The following WDFY1 variants were observed in gnomAD, a reference collection of about 807,000 sequenced individuals.
The protein encoded by WDFY1 is WD repeat and FYVE domain-containing protein 1.
Under a neutral mutation model 56.4 loss-of-function variants are expected in WDFY1, and 32 were observed. That is an observed-to-expected ratio of 0.57 (90% confidence interval 0.43 to 0.76). The LOEUF (loss-of-function observed/expected upper bound fraction) is 0.76, where lower values mean the gene tolerates loss of function less well. WDFY1 is among the 30% of genes least tolerant of loss of function. The pLI is 0.00. For synonymous variants in WDFY1, 192 were observed against 197.3 expected (o/e 0.97, Z 0.23); for missense variants, 480 against 545.7 (o/e 0.88, Z 1.20).
intron 6 of WDFY1, 39 bp from the exon 7 acceptor site, chr2:223,895,669 G>A (rs1175281872): frequency 1.9e-6 from 3 of 1,609,430 alleles, no homozygotes; most frequent in East Asian, 2.2e-5. Flanking sequence ...GGGAGGCAGG[G>A]GAGAAGTAAA....
chr2:223,944,185 G>A (rs1036263225), intron 1 of WDFY1, among the ~76,000 whole-genome samples: 2 of 152,234 alleles, frequency 1.3e-5, no homozygotes, highest in Non-Finnish European at 2.9e-5. Context: ...TGAAATCCCT[G>A]AGTACAGGGG....
intron 1 of WDFY1, among the ~76,000 whole-genome samples, chr2:223,938,192 C>G (rs933669230): frequency 1.3e-5 from 2 of 152,098 alleles, no homozygotes; most frequent in African/African-American, 4.8e-5. Flanking sequence ...CTGCAGAAAC[C>G]AATCTTGGCC....
chr2:223,887,534 G>A (rs1693192119), intron 8 of WDFY1, among the ~76,000 whole-genome samples: 1 of 152,200 alleles, frequency 6.6e-6, no homozygotes, highest in Non-Finnish European at 1.5e-5. Flanking sequence ...AAAACATTAA[G>A]TGTAAAAAAG....
chr2:223,913,317 GA>G (rs1440058782), intron 2 of WDFY1, among the ~76,000 whole-genome samples: 1 of 151,946 alleles, frequency 6.6e-6, no homozygotes, highest in East Asian at 1.9e-4. Flanking sequence ...CTCACCAAAG[GA>G]AGGAAGTAAA....
chr2:223,896,111 GCA>G (rs1358772487), intron 6 of WDFY1, among the ~76,000 whole-genome samples: 236 of 124,682 alleles, frequency 1.9e-3, no homozygotes, highest in Middle Eastern at 0.018. Context: ...AGCCAAGATA[GCA>G]CCACTGCGCT....
At chr2:223,925,215 TAAA>T (rs35020883) in intron 1 of WDFY1, among the ~76,000 whole-genome samples, 409 of 139,676 alleles carry the variant, frequency 2.9e-3, no homozygotes, top group Middle Eastern at 3.7e-3. Context: ...TTTTTGTTCC[TAAA>T]AAAAAAAAAA....
chr2:223,894,375 T>C, intron 7 of WDFY1, 36 bp from the exon 8 acceptor site: 3 of 1,608,898 alleles, frequency 1.9e-6, no homozygotes, highest in Non-Finnish European at 2.6e-6. Flanking sequence ...CTTGTCTCCA[T>C]GCGGAAAAAC....
At chr2:223,907,398 T>C (rs1224770521) in intron 3 of WDFY1, among the ~76,000 whole-genome samples, 1 of 152,232 alleles carries the variant, frequency 6.6e-6, no homozygotes, top group African/African-American at 2.4e-5. Flanking sequence ...ATCTTGTTTT[T>C]GTAAAGTAGA....
intron 2 of WDFY1, among the ~76,000 whole-genome samples, chr2:223,917,581 A>AT (rs1027103590): frequency 4.7e-5 from 7 of 150,086 alleles, no homozygotes; most frequent in Admixed American, 1.3e-4. Context: ...AAACTTACTT[A>AT]TTTTTTTTTT....
chr2:223,923,492 T>C lies in WDFY1; in HGVS notation c.138-5482A>G, dbSNP rs117732856. Among the ~76,000 whole-genome samples the C allele has an allele frequency of 3.0e-3, 458 of 152,298 alleles. 13 individuals are homozygous for C. The East Asian group carries it at 0.072, about 24-fold the overall frequency. On this transcript the variant is annotated intron_variant, in intron 1 of 11. Coordinates refer to ENST00000233055, the MANE Select transcript of WDFY1 (RefSeq NM_020830.5). ...CAAACTATTTCAAAGTCTAGGATAATATTAATAAACTGTAATCCCAGCACT... is the reference window on the plus strand; with the variant it reads ...CAAACTATTTCAAAGTCTAGGATAACATTAATAAACTGTAATCCCAGCACT...
At chr2:223,902,586 A>C (rs1693523369) in intron 4 of WDFY1, among the ~76,000 whole-genome samples, 1 of 152,148 alleles carries the variant, frequency 6.6e-6, no homozygotes, top group Admixed American at 6.6e-5. Flanking sequence ...TAAAAATTTA[A>C]AACTGAAAAT....
At chr2:223,879,357 C>T (rs1190221068) in intron 11 of WDFY1, among the ~76,000 whole-genome samples, 1 of 151,954 alleles carries the variant, frequency 6.6e-6, no homozygotes, top group Non-Finnish European at 1.5e-5. Flanking sequence ...AGTTTCACCA[C>T]TGAAGAGTGG....
intron 8 of WDFY1, among the ~76,000 whole-genome samples, chr2:223,891,882 T>G (rs1693284868): frequency 6.6e-6 from 1 of 152,222 alleles, no homozygotes; most frequent in East Asian, 1.9e-4. Flanking sequence ...GTTTACTAGC[T>G]TTTCTTGCTG....
chr2:223,903,291 G>A (rs1225065423), intron 4 of WDFY1, among the ~76,000 whole-genome samples: 1 of 152,150 alleles, frequency 6.6e-6, no homozygotes, highest in African/African-American at 2.4e-5. Flanking sequence ...GGAGGCCGAG[G>A]CAGGAGGATC....
At chr2:223,936,149 C>T (rs192502349) in intron 1 of WDFY1, among the ~76,000 whole-genome samples, 2 of 150,836 alleles carry the variant, frequency 1.3e-5, no homozygotes, top group Admixed American at 1.3e-4. Context: ...GCAACCTATG[C>T]CCCTTGGGTT....
At chr2:223,897,377 TA>T (rs60730660) in intron 6 of WDFY1, among the ~76,000 whole-genome samples, 1,424 of 18,734 alleles carry the variant, frequency 0.076, 91 homozygotes, top group East Asian at 0.3. Flanking sequence ...TATATATATA[TA>T]TATATATATA....
intron 1 of WDFY1, among the ~76,000 whole-genome samples, chr2:223,924,616 G>A (rs995404774): frequency 1.3e-5 from 2 of 152,044 alleles, no homozygotes; most frequent in African/African-American, 4.8e-5. Context: ...TGCCCGCCTC[G>A]GCCTCCCAAA....
rs684700 is a variant in WDFY1, at chr2:223,890,111, G to A, written c.831+4123C>T. On this transcript the variant is annotated intron_variant, in intron 8 of 11. Coordinates refer to ENST00000233055, the MANE Select transcript of WDFY1 (RefSeq NM_020830.5). Reference sequence around the variant, plus strand: ...TGGGGGTCTCCAAACATGGTCCTGGGCTAGGGCAACCTACAGATCTGAGCT... The same window carrying A: ...TGGGGGTCTCCAAACATGGTCCTGGACTAGGGCAACCTACAGATCTGAGCT... 7.2e-3 allele frequency among the ~76,000 whole-genome samples: 1,092 copies of A among 152,252 alleles called. 16 individuals carry two copies. Among genetic ancestry groups the A allele is most frequent in the African/African-American group, 0.025 (1,036 of 41,540 alleles).
At chr2:223,942,862 C>T (rs1457668163) in intron 1 of WDFY1, among the ~76,000 whole-genome samples, 4 of 150,882 alleles carry the variant, frequency 2.7e-5, no homozygotes, top group Non-Finnish European at 5.9e-5. Flanking sequence ...AGAGTGTTGT[C>T]TGCATCTACG....
Sources: gnomAD v4.1 joint callset for allele counts (sites outside exome capture counted in the v4.1 genomes callset) on GRCh38, gnomAD v4.1.1 for gene constraint, MANE v1.5 for transcripts, NCBI Gene and HGNC (gene_info 2026-07-23, HGNC 2026-07-21) for gene names.